Variants in ZZEF1 observed in about 807,000 individuals in gnomAD.
ZZEF1 encodes the protein zinc finger ZZ-type and EF-hand domain containing 1, also known as zinc finger ZZ-type and EF-hand domain-containing protein 1.
Under a neutral mutation model 342.8 loss-of-function variants are expected in ZZEF1, and 157 were observed. The ratio of observed to expected loss-of-function variants is 0.46; its 90% confidence interval spans 0.40 to 0.52. The LOEUF (loss-of-function observed/expected upper bound fraction) is 0.52. ZZEF1 is among the 20% of genes least tolerant of loss of function. The pLI is 0.00. For synonymous variants in ZZEF1, 1,505 were observed against 1,429.1 expected (o/e 1.05, Z -1.20); for missense variants, 3,480 against 3,725.6 (o/e 0.93, Z 1.72).
intron 8 of ZZEF1, among the ~76,000 whole-genome samples, chr17:4,103,151 A>G (rs1488338258): frequency 2.0e-5 from 3 of 152,100 alleles, no homozygotes; most frequent in Non-Finnish European, 4.4e-5. Flanking sequence ...GCAACCCCCA[A>G]CCACCCAAGA....
chr17:4,028,876 A>G lies in ZZEF1; in HGVS notation c.6892+3250T>C, dbSNP rs180834529. On this transcript the variant is annotated intron_variant, in intron 42 of 54. Coordinates refer to ENST00000381638, the MANE Select transcript of ZZEF1 (RefSeq NM_015113.4). Reference sequence around the variant, plus strand: ...CTGGAACCAATCCTCTGAGGATACTAAAGGATGACTACTCTATGCAAATGC... The same window carrying G: ...CTGGAACCAATCCTCTGAGGATACTGAAGGATGACTACTCTATGCAAATGC... 3.3e-4 allele frequency among the ~76,000 whole-genome samples: 50 copies of G among 152,366 alleles called. No homozygotes were observed. In the East Asian group the frequency reaches 9.4e-3, roughly 29 times the overall value.
At chr17:4,031,994 C>T (rs2056558950) in intron 42 of ZZEF1, 132 bp downstream of exon 42, 23 of 928,710 alleles carry the variant, frequency 2.5e-5, no homozygotes, top group Admixed American at 1.6e-4. Flanking sequence ...AAAAGAAGCT[C>T]GGGGAGCTAT....
At chr17:4,052,967 A>T (rs964286708) in intron 34 of ZZEF1, among the ~76,000 whole-genome samples, 2 of 152,160 alleles carry the variant, frequency 1.3e-5, no homozygotes, top group African/African-American at 4.8e-5. Context: ...TTCTCACTCT[A>T]AGGCCCTTGG....
chr17:4,070,457 T>A (rs991703246), intron 26 of ZZEF1, among the ~76,000 whole-genome samples: 1 of 152,176 alleles, frequency 6.6e-6, no homozygotes, highest in Non-Finnish European at 1.5e-5. Flanking sequence ...TAAAGATAAT[T>A]TACCTGCTAA....
At chr17:4,086,725 G>T in intron 14 of ZZEF1, 70 bp from the exon 15 acceptor site, 8 of 1,521,242 alleles carry the variant, frequency 5.3e-6, no homozygotes, top group Non-Finnish European at 7.2e-6. Context: ...CCATATAGCT[G>T]TCTACAAAGG....
At chr17:4,097,272 AAAAG>A (rs976870563) in intron 9 of ZZEF1, among the ~76,000 whole-genome samples, 4 of 151,960 alleles carry the variant, frequency 2.6e-5, no homozygotes, top group Non-Finnish European at 5.9e-5. Context: ...AAGAAAAAGA[AAAAG>A]AAAAAGAAAA....
At chr17:4,112,382 G>A (rs558992813) in intron 5 of ZZEF1, among the ~76,000 whole-genome samples, 9 of 152,134 alleles carry the variant, frequency 5.9e-5, no homozygotes, top group South Asian at 2.1e-4. Flanking sequence ...CTGATCTCAA[G>A]TGATTCACCT....
chr17:4,036,813 ACACACTCTCTCT>A (rs1364752243), intron 39 of ZZEF1, among the ~76,000 whole-genome samples: 1,694 of 96,558 alleles, frequency 0.018, 35 homozygotes, highest in African/African-American at 0.11. Context: ...ACACACACAC[ACACACTCTCTCT>A]CTCTCTCTCT....
chr17:4,064,857 A>T (rs2057361265), intron 28 of ZZEF1, 28 bp from the exon 29 acceptor site: 2 of 1,496,932 alleles, frequency 1.3e-6, no homozygotes, highest in Non-Finnish European at 1.8e-6. Context: ...TCATAATTGA[A>T]AAAAAAAAAA....
intron 16 of ZZEF1, 55 bp from the exon 17 acceptor site, chr17:4,082,559 A>G: frequency 6.4e-7 from 1 of 1,557,932 alleles, no homozygotes; most frequent in Non-Finnish European, 8.8e-7. Flanking sequence ...GACATTCCAG[A>G]GACCTAGAGC....
At chr17:4,131,288 AG>A (rs2145585449) in intron 1 of ZZEF1, among the ~76,000 whole-genome samples, 1 of 152,346 alleles carries the variant, frequency 6.6e-6, no homozygotes, top group East Asian at 1.9e-4. Context: ...GCAGATCAGA[AG>A]GATTCAGGAA....
intron 2 of ZZEF1, 68 bp from the exon 3 acceptor site, chr17:4,117,234 T>C: frequency 7.7e-7 from 1 of 1,298,888 alleles, no homozygotes; most frequent in Non-Finnish European, 1.1e-6. Flanking sequence ...CCCTGCCTGG[T>C]GGCCTATCTG....
intron 1 of ZZEF1, among the ~76,000 whole-genome samples, chr17:4,125,084 T>C (rs938128619): frequency 3.9e-5 from 6 of 152,020 alleles, no homozygotes; most frequent in African/African-American, 1.5e-4. Context: ...CCTGTAGTGT[T>C]CCCCTTCTCC....
chr17:4,126,898 T>C (rs541963703), intron 1 of ZZEF1, among the ~76,000 whole-genome samples: 99 of 151,940 alleles, frequency 6.5e-4, no homozygotes, highest in African/African-American at 2.3e-3. Context: ...ACCCAGGAGG[T>C]GGAGGTTGCA....
At chr17:4,029,938 G>A (rs1198325824) in intron 42 of ZZEF1, among the ~76,000 whole-genome samples, 1 of 148,718 alleles carries the variant, frequency 6.7e-6, no homozygotes, top group South Asian at 2.1e-4. Context: ...ACTCATGCCT[G>A]TTATCCCAGC....
At chr17:4,092,085 A>T (rs199598587) in intron 11 of ZZEF1, among the ~76,000 whole-genome samples, 1 of 33,386 alleles carries the variant, frequency 3.0e-5, no homozygotes, top group African/African-American at 6.5e-5. Flanking sequence ...TCAAAAAAAA[A>T]AAAAATAATA....
rs759235157 is a variant in ZZEF1, at chr17:4,008,893, C to A, written c.8795G>T (p.Cys2932Phe). 2.3e-5 allele frequency: 36 copies of A among 1,547,028 alleles called. No individual in the cohort carries two copies. The highest frequency in any genetic ancestry group is 1.5e-4 in the East Asian group (6 of 41,214). The change falls in exon 54 of 55, where the codon TGT (cysteine) becomes TTT (phenylalanine). Residue 2932 changes from cysteine to phenylalanine, a missense_variant. By Grantham distance (205) the Cys-to-Phe change is radical (BLOSUM62 -2). Around this residue, in one of 5 missense-constraint regions of ZZEF1, gnomAD observed 1,269 missense variants for 1,342.4 expected, o/e 0.95. Coordinates refer to ENST00000381638, the MANE Select transcript of ZZEF1 (RefSeq NM_015113.4). The surrounding 1 kb of genome is among the most constrained non-coding windows in gnomAD (Gnocchi z 4.2). ...GGGTGGAGAGAGTACCTGTGCCGCA[C>A]AGCGGAGAAGGTGGTCGTCCGTGGT... is the stretch of plus-strand genomic sequence containing the variant. ...ALTTDDHLLR[C>F]AAQALQNIAA...
chr17:4,104,613 C>A lies in ZZEF1; in HGVS notation c.1573+20G>T, dbSNP rs749781459. On this transcript the variant is annotated intron_variant, in intron 8 of 54. Transcript: ENST00000381638. Reference sequence around the variant, plus strand: ...TCCACTGTTGACATTTCTATCACCCCCATGTTTTACCATATTTACCATATT... The same window carrying A: ...TCCACTGTTGACATTTCTATCACCCACATGTTTTACCATATTTACCATATT... 1.2e-6 allele frequency: 2 copies of A among 1,611,950 alleles called. No homozygotes were observed. Among genetic ancestry groups the A allele is most frequent in the Non-Finnish European group, 8.5e-7 (1 of 1,179,224 alleles).
Position 4,051,000 on chromosome 17 carries a change from T to G in ZZEF1, c.5644A>C (p.Ile1882Leu). The G allele has an allele frequency of 6.2e-7, 1 of 1,614,206 alleles. No individual in the cohort carries two copies. The highest frequency in any genetic ancestry group is 8.5e-7 in the Non-Finnish European group (1 of 1,180,042). The change falls in exon 36 of 55, where the codon ATT (isoleucine) becomes CTT (leucine). Residue 1882 changes from isoleucine (I) to leucine (L), a missense_variant. Ile to Leu is a conservative substitution (Grantham distance 5). This residue lies in a region of ZZEF1 where 175 missense variants were observed against 254.6 expected (regional missense o/e 0.69). Transcript: ENST00000381638. ...AGCCTCTGCCGGTCACTGATCCGAA[T>G]GGTTACCATTGGGTGGGCCGTGATG... is the stretch of plus-strand genomic sequence containing the variant. ...HSITAHPMVT[I>L]RISDRQRLIQ...
Sources: allele counts gnomAD v4.1 joint callset (sites outside exome capture counted in the v4.1 genomes callset), GRCh38; gene constraint gnomAD v4.1.1; regional missense constraint gnomAD v4.1.1; non-coding constraint Gnocchi (gnomAD v3.1); transcripts MANE v1.5; gene names NCBI Gene and HGNC (gene_info 2026-07-23, HGNC 2026-07-21).